TWIST2: variants seen among roughly 807,000 people sequenced by gnomAD.
TWIST2 encodes twist family bHLH transcription factor 2, also known as twist-related protein 2.
A neutral mutation model predicts 11.6 loss-of-function variants in TWIST2; 1 was observed. That is an observed-to-expected ratio of 0.09 (90% CI 0.03 to 0.41). The LOEUF is 0.41. TWIST2 is among the 10% of genes least tolerant of loss of function. The pLI is 0.98. For missense variants in TWIST2, 168 were observed against 226.4 expected (o/e 0.74, Z 1.66); for synonymous variants, 87 against 96.6 (o/e 0.90, Z 0.58).
Position 238,869,475 on chromosome 2 carries a change from A to G in TWIST2, c.*35+20742A>G, listed in dbSNP as rs138597567. Among the ~76,000 whole-genome samples the G allele has an allele frequency of 5.2e-3, 788 of 152,388 alleles. 9 individuals carry two copies. The highest frequency in any genetic ancestry group is 0.018 in the African/African-American group (737 of 41,596). On this transcript the variant is annotated intron_variant, in intron 1 of 1. Coordinates refer to ENST00000612363, the MANE Select transcript of TWIST2 (RefSeq NM_001271893.4). The stretch of plus-strand genomic sequence containing the variant: ...ATCTGATAGGAGAGAACTATCCAGA[A>G]GAGATGCAGGACTCCTATGATTCAA...
At chr2:238,857,705 G>A (rs533953546) in intron 1 of TWIST2, among the ~76,000 whole-genome samples, 3 of 152,200 alleles carry the variant, frequency 2.0e-5, no homozygotes, top group Admixed American at 6.5e-5. Context: ...GGGAGGCCAA[G>A]GTGGGTGGAT....
intron 1 of TWIST2, among the ~76,000 whole-genome samples, chr2:238,854,782 A>G (rs573272384): frequency 6.6e-6 from 1 of 152,158 alleles, no homozygotes; most frequent in African/African-American, 2.4e-5. Flanking sequence ...AGCATGAACA[A>G]CCTCCTAAAG....
At chr2:238,853,748 C>G (rs1692285017) in intron 1 of TWIST2, among the ~76,000 whole-genome samples, 1 of 152,136 alleles carries the variant, frequency 6.6e-6, no homozygotes, top group Non-Finnish European at 1.5e-5. Flanking sequence ...TTGGAAAAGC[C>G]AACACATAAC....
intron 1 of TWIST2, among the ~76,000 whole-genome samples, chr2:238,850,720 A>G (rs529317610): frequency 1.8e-4 from 27 of 152,338 alleles, no homozygotes; most frequent in African/African-American, 6.3e-4. Flanking sequence ...GCTTGTTTGG[A>G]AAAAAGCCCT....
chr2:238,878,038 A>G (rs1022124571), intron 1 of TWIST2, among the ~76,000 whole-genome samples: 1 of 152,232 alleles, frequency 6.6e-6, no homozygotes, highest in African/African-American at 2.4e-5. Context: ...GACAATGGCC[A>G]TGAAGACGGT....
intron 1 of TWIST2, among the ~76,000 whole-genome samples, chr2:238,909,094 G>A (rs981913916): frequency 1.3e-4 from 19 of 150,936 alleles, no homozygotes; most frequent in African/African-American, 3.7e-4. Flanking sequence ...GTAGTGTGTG[G>A]TATGTTTGGT....
At chr2:238,896,375 G>A (rs1693207603) in intron 1 of TWIST2, among the ~76,000 whole-genome samples, 1 of 152,220 alleles carries the variant, frequency 6.6e-6, no homozygotes, top group Admixed American at 6.5e-5. Context: ...TGGAATCACA[G>A]GCTCCCTGCA....
intron 1 of TWIST2, among the ~76,000 whole-genome samples, chr2:238,909,323 C>T (rs1198554634): frequency 6.6e-6 from 1 of 151,966 alleles, no homozygotes; most frequent in Non-Finnish European, 1.5e-5. Flanking sequence ...TTTGAAAGCA[C>T]GCATTTTAAA....
At chr2:238,887,161 G>C (rs1163192473) in intron 1 of TWIST2, 2 of 151,920 alleles carry the variant, frequency 1.3e-5, no homozygotes, top group Non-Finnish European at 2.9e-5. Flanking sequence ...CCACCCCTTA[G>C]AGGAGGAAGA....
chr2:238,866,991 C>T lies in TWIST2; in HGVS notation c.*35+18258C>T, dbSNP rs530612291. On this transcript the variant is annotated intron_variant, in intron 1 of 1. Coordinates refer to ENST00000612363, the MANE Select transcript of TWIST2 (RefSeq NM_001271893.4). This position sits in a 1 kb window ranked among gnomAD's most constrained non-coding sequence, Gnocchi z 4.9. ...CCCCACCAAGTACACCAAGAAACTACACTGTGTCTGATGCAAACGCATGTT... is the reference window on the plus strand; with the variant it reads ...CCCCACCAAGTACACCAAGAAACTATACTGTGTCTGATGCAAACGCATGTT... 1.7e-4 allele frequency among the ~76,000 whole-genome samples: 26 copies of T among 152,296 alleles called. No homozygotes were observed. Among genetic ancestry groups the T allele is most frequent in the African/African-American group, 6.3e-4 (26 of 41,554 alleles).
intron 1 of TWIST2, among the ~76,000 whole-genome samples, chr2:238,909,430 G>A (rs1693415456): frequency 6.6e-6 from 1 of 152,126 alleles, no homozygotes; most frequent in Admixed American, 6.5e-5. Context: ...AAACCCCACA[G>A]CTCCCTCGGG....
At chr2:238,855,796 G>A (rs1196170138) in intron 1 of TWIST2, among the ~76,000 whole-genome samples, 1 of 152,154 alleles carries the variant, frequency 6.6e-6, no homozygotes, top group African/African-American at 2.4e-5. Flanking sequence ...AATGGCCGAG[G>A]ACCCTCTGAG....
intron 1 of TWIST2, among the ~76,000 whole-genome samples, chr2:238,905,840 AGTGTGTGTGT>A (rs1167633014): frequency 8.7e-6 from 1 of 115,410 alleles, no homozygotes; most frequent in African/African-American, 4.3e-5. Flanking sequence ...CTTTGAAAAA[AGTGTGTGTGT>A]GTGTGCGTGT....
At chr2:238,900,439 T>G (rs1299067612) in intron 1 of TWIST2, among the ~76,000 whole-genome samples, 2 of 152,236 alleles carry the variant, frequency 1.3e-5, no homozygotes, top group African/African-American at 4.8e-5. Context: ...GCCACTTTCC[T>G]TCTCCCCAAC....
intron 1 of TWIST2, among the ~76,000 whole-genome samples, chr2:238,907,995 T>C (rs1429045918): frequency 6.8e-6 from 1 of 146,986 alleles, no homozygotes; most frequent in Non-Finnish European, 1.5e-5. Context: ...ACATTGTACA[T>C]ACGCACCACA....
chr2:238,875,818 C>T lies in TWIST2; in HGVS notation c.*35+27085C>T, dbSNP rs964354793. On this transcript the variant is annotated intron_variant, in intron 1 of 1. Transcript: ENST00000612363. ...ATAAATAGATGGAAAGGTTACCTCA[C>T]AGATCCTTGGCAAAGACCCCTGGAA... Among the ~76,000 whole-genome samples the T allele has an allele frequency of 5.9e-5, 9 of 152,382 alleles. No individual in the cohort carries two copies. In the South Asian group the frequency reaches 1.9e-3, roughly 32 times the overall value.
At chr2:238,878,917 G>A (rs1692855753) in intron 1 of TWIST2, among the ~76,000 whole-genome samples, 1 of 152,204 alleles carries the variant, frequency 6.6e-6, no homozygotes, top group African/African-American at 2.4e-5. Context: ...GGAGCCTGCA[G>A]TAAGAACTCA....
chr2:238,863,508 C>T lies in TWIST2; in HGVS notation c.*35+14775C>T, dbSNP rs367693955. Among the ~76,000 whole-genome samples, 5 of 152,214 alleles carry T rather than the reference C, an allele frequency of 3.3e-5. No individual in the cohort carries two copies. Among genetic ancestry groups the T allele is most frequent in the Non-Finnish European group, 7.3e-5 (5 of 68,032 alleles). ...TCAGCTCTCCTGGCTGGCCTTTACCCGCTGGGCAGTTCCCAAATGGCGCTT... is the reference window on the plus strand; with the variant it reads ...TCAGCTCTCCTGGCTGGCCTTTACCTGCTGGGCAGTTCCCAAATGGCGCTT... On this transcript the variant is annotated intron_variant, in intron 1 of 1. Coordinates refer to ENST00000612363, the MANE Select transcript of TWIST2 (RefSeq NM_001271893.4). This position sits in a 1 kb window ranked among gnomAD's most constrained non-coding sequence, Gnocchi z 4.7.
chr2:238,897,169 C>T (rs1435234647), intron 1 of TWIST2, among the ~76,000 whole-genome samples: 12 of 152,334 alleles, frequency 7.9e-5, no homozygotes, highest in Middle Eastern at 6.8e-3. Flanking sequence ...CTTTGAAAGT[C>T]GCTGTCAGGG....
Sources: allele counts gnomAD v4.1 joint callset (sites outside exome capture counted in the v4.1 genomes callset), GRCh38; gene constraint gnomAD v4.1.1; non-coding constraint Gnocchi (gnomAD v3.1); transcripts MANE v1.5; gene names NCBI Gene and HGNC (gene_info 2026-07-23, HGNC 2026-07-21).